The following PTGFRN variants were observed in gnomAD, a reference collection of about 807,000 sequenced individuals.
The protein encoded by PTGFRN is prostaglandin F2 receptor inhibitor.
PTGFRN carries 35 observed loss-of-function variants against 83.2 expected under a neutral mutation model. The ratio of observed to expected loss-of-function variants is 0.42; its 90% CI spans 0.32 to 0.56. The LOEUF (loss-of-function observed/expected upper bound fraction) is 0.56, where lower values mean the gene tolerates loss of function less well. PTGFRN is among the 20% of genes least tolerant of loss of function. The pLI, the probability that PTGFRN is intolerant of heterozygous loss-of-function variation, is 0.11. For synonymous variants in PTGFRN, 519 were observed against 498.6 expected (o/e 1.04, Z -0.55); for missense variants, 1,051 against 1,179.5 (o/e 0.89, Z 1.60).
At chr1:116,976,506 C>T (rs1471002654) in intron 7 of PTGFRN, among the ~76,000 whole-genome samples, 1 of 152,204 alleles carries the variant, frequency 6.6e-6, no homozygotes, top group Admixed American at 6.5e-5. Flanking sequence ...GGAAGCCCAT[C>T]AGATTAACAG....
chr1:116,971,562 A>T (rs954923063), intron 6 of PTGFRN, among the ~76,000 whole-genome samples: 10 of 152,236 alleles, frequency 6.6e-5, no homozygotes, highest in African/African-American at 2.4e-4. Context: ...ACAGAAATTG[A>T]CCATAATGAA....
intron 4 of PTGFRN, among the ~76,000 whole-genome samples, chr1:116,955,577 A>G (rs1355382906): frequency 6.6e-6 from 1 of 152,218 alleles, no homozygotes; most frequent in Non-Finnish European, 1.5e-5. Flanking sequence ...ATCTTTAATG[A>G]TAAGCAGTTT....
intron 7 of PTGFRN, among the ~76,000 whole-genome samples, chr1:116,977,367 T>C (rs1272133843): frequency 6.6e-6 from 1 of 152,130 alleles, no homozygotes; most frequent in East Asian, 1.9e-4. Context: ...CTGCACCAAG[T>C]GGACCTAATA....
At chr1:116,931,917 G>A (rs1649813035) in intron 1 of PTGFRN, among the ~76,000 whole-genome samples, 1 of 152,160 alleles carries the variant, frequency 6.6e-6, no homozygotes, top group African/African-American at 2.4e-5. Context: ...AAGGCATGCT[G>A]AAAACCATAA....
At chr1:116,924,410 G>C (rs1377565630) in intron 1 of PTGFRN, among the ~76,000 whole-genome samples, 1 of 152,166 alleles carries the variant, frequency 6.6e-6, no homozygotes, top group East Asian at 1.9e-4. Context: ...CTCCCAAAGG[G>C]CTGGGATTAC....
chr1:116,962,551 C>A (rs903493817), intron 5 of PTGFRN: 1 of 152,596 alleles, frequency 6.6e-6, no homozygotes, highest in South Asian at 2.1e-4. Flanking sequence ...GCCAAGGTGG[C>A]GAACTCTAAT....
intron 5 of PTGFRN, among the ~76,000 whole-genome samples, chr1:116,963,187 T>G (rs2101077618): frequency 6.6e-6 from 1 of 152,302 alleles, no homozygotes; most frequent in Non-Finnish European, 1.5e-5. Flanking sequence ...TTTAAAGTAG[T>G]GGTCACTTGT....
intron 1 of PTGFRN, among the ~76,000 whole-genome samples, chr1:116,935,625 TC>T (rs2101059887): frequency 6.6e-6 from 1 of 152,300 alleles, no homozygotes; most frequent in South Asian, 2.1e-4. Context: ...TGAGTCAACT[TC>T]CAATGAAATA....
intron 1 of PTGFRN, among the ~76,000 whole-genome samples, chr1:116,922,881 C>A (rs1333854053): frequency 6.6e-6 from 1 of 152,186 alleles, no homozygotes; most frequent in Non-Finnish European, 1.5e-5. Context: ...ACAACACCTT[C>A]TTTGGTTTAT....
intron 7 of PTGFRN, among the ~76,000 whole-genome samples, chr1:116,976,479 T>C (rs1250181949): frequency 1.3e-5 from 2 of 152,192 alleles, no homozygotes; most frequent in Non-Finnish European, 2.9e-5. Flanking sequence ...GAGAGAAAGG[T>C]TGGGTTACCC....
rs773030487 is a variant in PTGFRN, at chr1:116,961,570, A to G, written c.1541A>G (p.Tyr514Cys). ...ACAGAGGAAGACAGAGGCAATTATT[A>G]CTGTGTTGTGTCTGCCTGGACCAAA... The part of the protein sequence containing the change: ...RTTEEDRGNY[Y>C]CVVSAWTKQR... The change falls in exon 5 of 9, where the codon TAC becomes TGC. Residue 514 changes from tyrosine (Y) to cysteine (C), a missense_variant. Tyr to Cys is a radical substitution (Grantham distance 194). Around this residue, in one of 3 missense-constraint regions of PTGFRN, gnomAD observed 719 missense variants for 836.6 expected, o/e 0.86. Coordinates refer to ENST00000393203, the MANE Select transcript of PTGFRN (RefSeq NM_020440.4). This position sits in a 1 kb window ranked among gnomAD's most constrained non-coding sequence, Gnocchi z 5.4. 2.9e-5 allele frequency: 47 copies of G among 1,614,048 alleles called. No individual in the cohort carries two copies. The highest frequency in any genetic ancestry group is 3.9e-5 in the Non-Finnish European group (46 of 1,180,044).
Position 116,943,996 on chromosome 1 carries a change from A to G in PTGFRN, c.419-683A>G, listed in dbSNP as rs769414565. On this transcript the variant is annotated intron_variant, in intron 2 of 8. Transcript: ENST00000393203. ...TGCTTTTTTCCTGAGTACACCACCC[A>G]TACTTCCTTGATCGCCGTCCCCTTT... Among the ~76,000 whole-genome samples the G allele has an allele frequency of 5.8e-4, 88 of 152,232 alleles. 1 individual carries two copies. Among genetic ancestry groups the G allele is most frequent in the Non-Finnish European group, 1.0e-3 (69 of 68,016 alleles).
chr1:116,934,859 A>C (rs1383512263), intron 1 of PTGFRN, among the ~76,000 whole-genome samples: 1 of 152,200 alleles, frequency 6.6e-6, no homozygotes, highest in Admixed American at 6.5e-5. Context: ...CCAATGAGGA[A>C]TTGAGATGCT....
At chr1:116,917,343 G>A (rs940139547) in intron 1 of PTGFRN, among the ~76,000 whole-genome samples, 1 of 152,160 alleles carries the variant, frequency 6.6e-6, no homozygotes, top group African/African-American at 2.4e-5. Context: ...AGGCCCACAG[G>A]CCAGCTGGGA....
At chr1:116,984,394 G>A (rs530877258) in intron 7 of PTGFRN, among the ~76,000 whole-genome samples, 1 of 152,234 alleles carries the variant, frequency 6.6e-6, no homozygotes, top group Admixed American at 6.5e-5. Flanking sequence ...TGGCAGCAGT[G>A]CAGTGGTTAA....
In PTGFRN at chr1:116,952,400, T is replaced by A. The variant is rs547056604; in HGVS notation, c.1213+2828T>A. ...GCACTTGCAGCCACTGAGAGGATCA[T>A]GATAATGTTTTAGATGTTGAGAAAA... On this transcript the variant is annotated intron_variant, in intron 4 of 8. Coordinates refer to ENST00000393203, the MANE Select transcript of PTGFRN (RefSeq NM_020440.4). This position sits in a 1 kb window ranked among gnomAD's most constrained non-coding sequence, Gnocchi z 4.0. Among the ~76,000 whole-genome samples the A allele has an allele frequency of 1.5e-4, 23 of 152,074 alleles. No individual in the cohort carries two copies. Among genetic ancestry groups the A allele is most frequent in the Non-Finnish European group, 2.6e-4 (18 of 68,016 alleles).
chr1:116,922,258 A>G (rs1649555348), intron 1 of PTGFRN, among the ~76,000 whole-genome samples: 1 of 152,222 alleles, frequency 6.6e-6, no homozygotes, highest in Non-Finnish European at 1.5e-5. Flanking sequence ...TATAAGAAAA[A>G]CAACTCACAA....
At chr1:116,975,171 T>C (rs1390120983) in intron 7 of PTGFRN, among the ~76,000 whole-genome samples, 1 of 152,002 alleles carries the variant, frequency 6.6e-6, no homozygotes, top group African/African-American at 2.4e-5. Flanking sequence ...GCAGCGAGGC[T>C]GGGGGAGGGG....
intron 1 of PTGFRN, among the ~76,000 whole-genome samples, chr1:116,911,522 C>G (rs375675990): frequency 1.3e-5 from 2 of 152,362 alleles, no homozygotes. Flanking sequence ...AAGGGATTTT[C>G]TGAACTGACT....
Sources: allele counts gnomAD v4.1 joint callset (sites outside exome capture counted in the v4.1 genomes callset), GRCh38; gene constraint gnomAD v4.1.1; regional missense constraint gnomAD v4.1.1; non-coding constraint Gnocchi (gnomAD v3.1); transcripts MANE v1.5; gene names NCBI Gene and HGNC (gene_info 2026-07-23, HGNC 2026-07-21).